Variants in WAC observed in about 807,000 individuals in gnomAD.
WAC encodes the protein WW domain containing adaptor with coiled-coil, also known as WW domain-containing adapter protein with coiled-coil.
A neutral mutation model predicts 79.6 loss-of-function variants in WAC; 11 were observed. The ratio of observed to expected loss-of-function variants is 0.14; its 90% CI spans 0.09 to 0.23. The LOEUF (loss-of-function observed/expected upper bound fraction) is 0.23. Ranked by LOEUF, WAC falls within the 10% of genes least tolerant of loss-of-function variation. The pLI, the probability that WAC is intolerant of heterozygous loss-of-function variation, is 1.00. For missense variants in WAC, 728 were observed against 773.5 expected (o/e 0.94, Z 0.70); for synonymous variants, 304 against 276.9 (o/e 1.10, Z -0.97).
Position 28,533,544 on chromosome 10 carries a change from C to T in WAC, c.-36C>T, listed in dbSNP as rs781576834. ...CCGCCCGCCTTTCGCGGCCGCTCTC[C>T]CCCCTCCCCGACACACACTCACAGG... On this transcript the variant is annotated 5_prime_UTR_variant, in exon 1 of 14. Transcript: ENST00000354911. 3.7e-5 allele frequency: 51 copies of T among 1,367,254 alleles called. No individual in the cohort carries two copies. The highest frequency in any genetic ancestry group is 4.7e-5 in the Non-Finnish European group (49 of 1,037,720). 84.7% of individuals were successfully genotyped at this position (1,367,254 alleles called of 1,614,324 possible). A position where few individuals can be genotyped will look rare whatever the true frequency, so the allele number is the denominator to read the frequency against.
chr10:28,589,014 G>A (rs976962518), intron 4 of WAC: 3 of 152,102 alleles, frequency 2.0e-5, no homozygotes, highest in Non-Finnish European at 4.4e-5. Context: ...TGTGAGATTC[G>A]TTTCGTGGAA....
In WAC at chr10:28,589,844, C is replaced by T. The variant is rs753401903; in HGVS notation, c.490C>T (p.Leu164Phe). 3.1e-5 allele frequency: 50 copies of T among 1,605,158 alleles called. No individual in the cohort carries two copies. Among genetic ancestry groups the T allele is most frequent in the Non-Finnish European group, 3.7e-5 (43 of 1,172,294 alleles). ...VSQWEKPKEWLEREQRQKEAN... is the reference protein window; with the variant it reads ...VSQWEKPKEWFEREQRQKEAN... ...ACAATGGGAAAAACCAAAAGAGTGG[C>T]TTGAAAGGTAATTAGCTTTTAATCT... The change falls in exon 5 of 14, where the codon CTT becomes TTT. Residue 164 changes from leucine (L) to phenylalanine (F), a missense_variant. Around this residue, in one of 3 missense-constraint regions of WAC, gnomAD observed 648 missense variants for 661.5 expected, o/e 0.98. Transcript: ENST00000354911.
At chr10:28,549,692 A>G (rs181889328) in intron 3 of WAC, among the ~76,000 whole-genome samples, 1 of 152,300 alleles carries the variant, frequency 6.6e-6, no homozygotes, top group Admixed American at 6.5e-5. Flanking sequence ...ATTATGTTGT[A>G]TTGATGACAG....
At chr10:28,603,716 G>A (rs1302940271) in intron 7 of WAC, among the ~76,000 whole-genome samples, 3 of 151,356 alleles carry the variant, frequency 2.0e-5, no homozygotes, top group Non-Finnish European at 4.4e-5. Flanking sequence ...GTGGATCCAC[G>A]AGGTCAGGAG....
intron 1 of WAC, 103 bp downstream of exon 1, chr10:28,533,723 AC>A: frequency 9.2e-7 from 1 of 1,089,684 alleles, no homozygotes; most frequent in Non-Finnish European, 1.3e-6. Context: ...TTTGTTGTTA[AC>A]CCTGATCCGG....
At chr10:28,554,898 C>G (rs1304733093) in intron 3 of WAC, among the ~76,000 whole-genome samples, 1 of 152,074 alleles carries the variant, frequency 6.6e-6, no homozygotes, top group Non-Finnish European at 1.5e-5. Context: ...TAGTTAATTC[C>G]TTATTTTTCA....
At chr10:28,580,858 GT>G (rs752236640) in intron 3 of WAC, among the ~76,000 whole-genome samples, 1 of 152,056 alleles carries the variant, frequency 6.6e-6, no homozygotes, top group African/African-American at 2.4e-5. Flanking sequence ...CATTTGTGAG[GT>G]TTGGTGATTC....
intron 3 of WAC, among the ~76,000 whole-genome samples, chr10:28,541,416 TTTTG>T (rs1302160382): frequency 0.15 from 5,633 of 36,500 alleles, 1,034 homozygotes; most frequent in African/African-American, 0.17. Context: ...TGTGTGTGTG[TTTTG>T]TTTTTTTTTT....
chr10:28,563,855 T>A (rs1456853669), intron 3 of WAC, among the ~76,000 whole-genome samples: 1 of 150,444 alleles, frequency 6.6e-6, no homozygotes, highest in Non-Finnish European at 1.5e-5. Context: ...TGCCTTGGTC[T>A]CCCAAAGTGC....
chr10:28,584,913 C>T (rs755941640), intron 4 of WAC, among the ~76,000 whole-genome samples: 13 of 151,962 alleles, frequency 8.6e-5, no homozygotes, highest in Non-Finnish European at 1.8e-4. Context: ...ACTAAAGATA[C>T]AAAAGTTATC....
At chr10:28,566,677 A>G (rs1225976353) in intron 3 of WAC, among the ~76,000 whole-genome samples, 2 of 152,188 alleles carry the variant, frequency 1.3e-5, no homozygotes, top group Non-Finnish European at 2.9e-5. Context: ...ACCATAAGAC[A>G]TTACTCCATT....
chr10:28,578,034 C>A (rs1185563501), intron 3 of WAC, among the ~76,000 whole-genome samples: 10 of 152,294 alleles, frequency 6.6e-5, no homozygotes, highest in African/African-American at 2.4e-4. Flanking sequence ...TAGCGTATAT[C>A]TGTAGTGCCA....
At chr10:28,615,081 A>G (rs932100716) in intron 11 of WAC, 5 of 167,552 alleles carry the variant, frequency 3.0e-5, no homozygotes, top group Non-Finnish European at 5.2e-5. Context: ...ACTTGGGCCA[A>G]TGTTTCCCAA....
intron 10 of WAC, among the ~76,000 whole-genome samples, chr10:28,612,774 AAGTTAC>A (rs1398241144): frequency 2.0e-5 from 3 of 152,180 alleles, no homozygotes; most frequent in Admixed American, 6.5e-5. Context: ...TTAAAATTCC[AAGTTAC>A]AGTTGTTAGT....
intron 3 of WAC, among the ~76,000 whole-genome samples, chr10:28,548,744 G>A (rs1269633576): frequency 6.6e-6 from 1 of 152,104 alleles, no homozygotes; most frequent in Non-Finnish European, 1.5e-5. Flanking sequence ...GGGAATACGA[G>A]ACTAGGTCAA....
At position 28,608,440 on chromosome 10, in the gene WAC, T is replaced by C. The variant is rs767675093; in HGVS notation, c.1165+9T>C. 4 of 1,561,848 alleles carry C rather than the reference T, an allele frequency of 2.6e-6. No homozygotes were observed. In the South Asian group the frequency reaches 4.7e-5, roughly 18 times the overall value. On this transcript the variant is annotated intron_variant, in intron 8 of 13. Transcript: ENST00000354911. ...ATCTAAAATAAATGAAGGTAAATCT[T>C]CATAACAGTTTTTTAAAAATTTATT...
chr10:28,566,696 G>T (rs1267104017), intron 3 of WAC, among the ~76,000 whole-genome samples: 1 of 152,090 alleles, frequency 6.6e-6, no homozygotes, highest in African/African-American at 2.4e-5. Context: ...TTGTCTTCTG[G>T]CATTTAGTGT....
rs12217579 is a variant in WAC at position 28,545,759 on chromosome 10, A to G, written c.274+10002A>G. On this transcript the variant is annotated intron_variant, in intron 3 of 13. Coordinates refer to ENST00000354911, the MANE Select transcript of WAC (RefSeq NM_016628.5). ...CTAACTTAATATCCTGTGCAAGGGC[A>G]TCTAATGCCCAGCAGTAGAGAAGTT... 1.2e-3 allele frequency among the ~76,000 whole-genome samples: 177 copies of G among 152,338 alleles called. 2 individuals carry two copies. In the East Asian group the frequency reaches 0.028, roughly 24 times the overall value.
At chr10:28,550,777 G>C (rs1022137598) in intron 3 of WAC, among the ~76,000 whole-genome samples, 4 of 152,180 alleles carry the variant, frequency 2.6e-5, no homozygotes, top group African/African-American at 9.6e-5. Context: ...GTCTATTCAG[G>C]CTTTCAGGAA....
Sources: gnomAD v4.1 joint callset for allele counts (sites outside exome capture counted in the v4.1 genomes callset) on GRCh38, gnomAD v4.1.1 for gene constraint, gnomAD v4.1.1 regional missense constraint, MANE v1.5 for transcripts, NCBI Gene and HGNC (gene_info 2026-07-23, HGNC 2026-07-21) for gene names.